The following ZNF700 variants were observed in gnomAD, a reference collection of about 807,000 sequenced individuals.
The protein encoded by ZNF700 is zinc finger protein 700.
In ZNF700, 38 loss-of-function variants were observed where a neutral mutation model predicts 65.3. The ratio of observed to expected loss-of-function variants is 0.58; its 90% CI spans 0.45 to 0.76. The LOEUF (loss-of-function observed/expected upper bound fraction) is 0.76. ZNF700 is among the 30% of genes least tolerant of loss of function. The pLI is 0.00. For missense variants in ZNF700, 857 were observed against 888.4 expected (o/e 0.96, Z 0.45); for synonymous variants, 285 against 290.4 (o/e 0.98, Z 0.19).
At chr19:11,936,597 T>C (rs1289272583) in intron 1 of ZNF700, among the ~76,000 whole-genome samples, 1 of 152,164 alleles carries the variant, frequency 6.6e-6, no homozygotes, top group Non-Finnish European at 1.5e-5. Context: ...AGTCGTTTGT[T>C]GGATGGGTAG....
Position 11,939,922 on chromosome 19 carries a change from C to T in ZNF700, c.64-7259C>T, listed in dbSNP as rs188833148. 3.3e-5 allele frequency: 5 copies of T among 151,952 alleles called. No homozygotes were observed. In the East Asian group the frequency reaches 9.6e-4, roughly 29 times the overall value. 9.4% of individuals were successfully genotyped at this position (151,952 alleles called of 1,614,324 possible). On this transcript the variant is annotated intron_variant, in intron 1 of 3. Transcript: ENST00000254321. Reference sequence around the variant, plus strand: ...TTATTGCAATTATCCTGAGGTTTCACGCATGTTGTAGTATGTAACAAGACG... The same window carrying T: ...TTATTGCAATTATCCTGAGGTTTCATGCATGTTGTAGTATGTAACAAGACG...
chr19:11,925,245 A>AC lies in ZNF700; in HGVS notation c.39dup (p.Gly14ArgfsTer4). On this transcript the variant is annotated frameshift_variant, in exon 1 of 4. Coordinates refer to ENST00000254321, the MANE Select transcript of ZNF700 (RefSeq NM_144566.3). LOFTEE classifies it high-confidence loss of function. Reference sequence around the variant, plus strand: ...TGTAGTCACAGGAGCTGTAGAGAGGACCCCGGTACATCTGAAAGCCGGGAA... The same window carrying AC: ...TGTAGTCACAGGAGCTGTAGAGAGGACCCCCGGTACATCTGAAAGCCGGGAA... 1.9e-6 allele frequency: 3 copies of AC among 1,612,692 alleles called. No homozygotes were observed. The highest frequency in any genetic ancestry group is 3.3e-5 in the Admixed American group (2 of 59,950).
At chr19:11,926,092 G>T (rs1296509121) in intron 1 of ZNF700, among the ~76,000 whole-genome samples, 1 of 152,034 alleles carries the variant, frequency 6.6e-6, no homozygotes, top group Non-Finnish European at 1.5e-5. Context: ...AAGGAAGGGG[G>T]TCTGTTATCT....
chr19:11,927,047 A>G (rs1972639738), intron 1 of ZNF700, among the ~76,000 whole-genome samples: 1 of 152,168 alleles, frequency 6.6e-6, no homozygotes, highest in Non-Finnish European at 1.5e-5. Flanking sequence ...TGCAGTGAGA[A>G]GAGAGTTTAT....
At position 11,949,679 on chromosome 19, in the gene ZNF700, G is replaced by A. The variant is rs144684609; in HGVS notation, c.1655G>A (p.Arg552Gln). Residue 552 changes from arginine to glutamine, a missense_variant, in exon 4 of 4, where the codon CGA (arginine) becomes CAA (glutamine). By Grantham distance (43) the Arg-to-Gln change is conservative. Coordinates refer to ENST00000254321, the MANE Select transcript of ZNF700 (RefSeq NM_144566.3). ...GCCTTCAGATGTTGCAATTCCCTTC[G>A]ATATCATGAAAGGACTCACACTGGA... ...GKAFRCCNSL[R>Q]YHERTHTGEK... 57 of 1,612,338 alleles carry A rather than the reference G, an allele frequency of 3.5e-5. No homozygotes were observed. The highest frequency in any genetic ancestry group is 1.3e-4 in the East Asian group (6 of 44,742).
chr19:11,943,456 A>G (rs1235099690), intron 1 of ZNF700, among the ~76,000 whole-genome samples: 5 of 152,198 alleles, frequency 3.3e-5, no homozygotes, highest in Admixed American at 2.0e-4. Flanking sequence ...TTGTAACCAT[A>G]TGATCCGGTT....
At position 11,930,011 on chromosome 19, in the gene ZNF700, A is replaced by G. The variant is rs1430971608; in HGVS notation, c.63+4738A>G. Among the ~76,000 whole-genome samples the G allele has an allele frequency of 2.0e-5, 3 of 148,036 alleles. No individual in the cohort carries two copies. In the South Asian group the frequency reaches 6.3e-4, roughly 31 times the overall value. ...GATTTTGAGTTTTAGAACTGCCTGT[A>G]GCTGACCCAAGACCCCCACAATTGC... On this transcript the variant is annotated intron_variant, in intron 1 of 3. Coordinates refer to ENST00000254321, the MANE Select transcript of ZNF700 (RefSeq NM_144566.3).
In ZNF700 at chr19:11,950,597, C is replaced by T; in HGVS notation, c.*344C>T. On this transcript the variant is annotated 3_prime_UTR_variant, in exon 4 of 4. Transcript: ENST00000254321. The stretch of plus-strand genomic sequence containing the variant: ...ACCTTCAACGGCATGGAAGGGTTCA[C>T]ACTTGGGAGAAACTCTATGAATGTA... The T allele has an allele frequency of 2.1e-6, 1 of 480,760 alleles. No homozygotes were observed. The highest frequency in any genetic ancestry group is 4.0e-6 in the Non-Finnish European group (1 of 252,024). The allele number at this position is 480,760 out of a possible 1,614,324, so 29.8% of individuals were successfully genotyped here.
chr19:11,925,524 G>A (rs1972613068), intron 1 of ZNF700, among the ~76,000 whole-genome samples: 1 of 152,194 alleles, frequency 6.6e-6, no homozygotes, highest in African/African-American at 2.4e-5. Flanking sequence ...CCCTCTCTGG[G>A]CAGTTCCGCT....
intron 1 of ZNF700, among the ~76,000 whole-genome samples, chr19:11,930,926 G>A (rs2086506761): frequency 6.8e-6 from 1 of 147,128 alleles, no homozygotes; most frequent in African/African-American, 2.7e-5. Flanking sequence ...TTGAACCTGG[G>A]AGGTGGAGAT....
intron 1 of ZNF700, among the ~76,000 whole-genome samples, chr19:11,942,311 C>G (rs1025649270): frequency 6.6e-6 from 1 of 151,768 alleles, no homozygotes; most frequent in Non-Finnish European, 1.5e-5. Context: ...TGGGAACAGG[C>G]ATTTTCAAGG....
In ZNF700 at chr19:11,948,537, TAAG is replaced by T. The variant is rs1568297583; in HGVS notation, c.516_518del (p.Lys173del). On this transcript the variant is annotated inframe_deletion, in exon 4 of 4. Coordinates refer to ENST00000254321, the MANE Select transcript of ZNF700 (RefSeq NM_144566.3). Reference sequence around the variant, plus strand: ...CATATAAGTGTCAACAACCTAAAAATAAGAAAGCCTTCAGGTATCGCCCATCCA... The same window carrying T: ...CATATAAGTGTCAACAACCTAAAAATAAAGCCTTCAGGTATCGCCCATCCA... The T allele has an allele frequency of 1.2e-6, 2 of 1,610,532 alleles. No individual in the cohort carries two copies. The highest frequency in any genetic ancestry group is 2.2e-5 in the East Asian group (1 of 44,852).
At chr19:11,944,421 C>T (rs138885400) in intron 1 of ZNF700, among the ~76,000 whole-genome samples, 47 of 152,276 alleles carry the variant, frequency 3.1e-4, no homozygotes, top group Middle Eastern at 3.4e-3. Context: ...TCCACCTTTC[C>T]GGAACTCTGA....
intron 1 of ZNF700, among the ~76,000 whole-genome samples, chr19:11,935,776 A>G (rs961790640): frequency 1.3e-5 from 2 of 152,212 alleles, no homozygotes; most frequent in South Asian, 2.1e-4. Flanking sequence ...ATACATAGGT[A>G]TAACATGTGC....
intron 1 of ZNF700, among the ~76,000 whole-genome samples, chr19:11,941,425 T>G (rs1423324574): frequency 6.6e-6 from 1 of 152,150 alleles, no homozygotes; most frequent in Non-Finnish European, 1.5e-5. Flanking sequence ...GGGCTGCAGG[T>G]CCCGAGCCCT....
chr19:11,950,499 C>G lies in ZNF700; in HGVS notation c.*246C>G, dbSNP rs1298136930. 4 of 651,972 alleles carry G rather than the reference C, an allele frequency of 6.1e-6. No homozygotes were observed. The highest frequency in any genetic ancestry group is 1.1e-5 in the Non-Finnish European group (4 of 354,498). 40.4% of individuals were successfully genotyped at this position (651,972 alleles called of 1,614,324 possible). On this transcript the variant is annotated 3_prime_UTR_variant, in exon 4 of 4. Transcript: ENST00000254321. ...AGTGTATTCTAGTTCCGTTTGATAT[C>G]ATGAAAGGACTTACACTGGAGTGAA...
chr19:11,925,173 G>A lies in ZNF700; in HGVS notation c.-38G>A. On this transcript the variant is annotated 5_prime_UTR_variant, in exon 1 of 4. Coordinates refer to ENST00000254321, the MANE Select transcript of ZNF700 (RefSeq NM_144566.3). The stretch of plus-strand genomic sequence containing the variant: ...CAGACCAGCCCGAGAGGGACCTGGT[G>A]CCTGTACCCAGGCTTCTGTCGCTCT... The A allele has an allele frequency of 4.3e-6, 7 of 1,609,376 alleles. No homozygotes were observed. The highest frequency in any genetic ancestry group is 5.9e-6 in the Non-Finnish European group (7 of 1,176,952).
At chr19:11,941,130 C>T (rs1972875825) in intron 1 of ZNF700, among the ~76,000 whole-genome samples, 1 of 152,174 alleles carries the variant, frequency 6.6e-6, no homozygotes, top group South Asian at 2.1e-4. Flanking sequence ...TGTTTACAAA[C>T]CTTAAGCTAG....
Position 11,949,853 on chromosome 19 carries a change from A to G in ZNF700, c.1829A>G (p.His610Arg), listed in dbSNP as rs759024476. The change falls in exon 4 of 4, where the codon CAT becomes CGT. Residue 610 changes from histidine (H) to arginine (R), a missense_variant. His to Arg is a conservative substitution (Grantham distance 29). This residue lies in a region of ZNF700 where 251 missense variants were observed against 250.3 expected (regional missense o/e 1.00). Transcript: ENST00000254321. ...AGTTGTGCCTCAAACCTTCGAAAGC[A>G]TGGTAGGACTCACACTGGAGAGAAA... ...AFSCASNLRK[H>R]GRTHTGEKPY... The G allele has an allele frequency of 3.7e-6, 6 of 1,613,904 alleles. No individual in the cohort carries two copies. Among genetic ancestry groups the G allele is most frequent in the African/African-American group, 1.3e-5 (1 of 74,884 alleles).
Sources: allele counts gnomAD v4.1 joint callset (sites outside exome capture counted in the v4.1 genomes callset), GRCh38; gene constraint gnomAD v4.1.1; regional missense constraint gnomAD v4.1.1; transcripts MANE v1.5; gene names NCBI Gene and HGNC (gene_info 2026-07-23, HGNC 2026-07-21).